Variants in INO80 observed in about 807,000 individuals in gnomAD.
INO80 encodes chromatin-remodeling ATPase INO80.
INO80 carries 20 observed loss-of-function variants against 203.4 expected under a neutral mutation model. The observed-to-expected ratio is 0.10, with a 90% CI of 0.07 to 0.14. INO80 has a LOEUF of 0.14. Ranked by LOEUF, INO80 falls within the 10% of genes least tolerant of loss-of-function variation. The pLI, the probability that INO80 is intolerant of heterozygous loss-of-function variation, is 1.00. For missense variants in INO80, 1,419 were observed against 1,914.4 expected (o/e 0.74, Z 4.83); for synonymous variants, 726 against 685.2 (o/e 1.06, Z -0.93).
chr15:41,011,456 G>A (rs904323860), intron 27 of INO80: 2 of 152,138 alleles, frequency 1.3e-5, no homozygotes, highest in African/African-American at 2.4e-5. Context: ...TTGCTCAAAG[G>A]TAGCATGGAG....
intron 15 of INO80, 40 bp downstream of exon 15, chr15:41,059,827 A>C: frequency 1.5e-6 from 2 of 1,316,580 alleles, no homozygotes; most frequent in Non-Finnish European, 2.2e-6. Flanking sequence ...TAATGACTGC[A>C]TGTACGGTAC....
At chr15:40,997,841 T>G (rs760104571) in intron 28 of INO80, 16 of 393,240 alleles carry the variant, frequency 4.1e-5, no homozygotes, top group Non-Finnish European at 6.7e-5. Context: ...AATAGATGAC[T>G]GATAGGCAAC....
intron 24 of INO80, among the ~76,000 whole-genome samples, chr15:41,041,504 G>A (rs530417164): frequency 6.6e-6 from 1 of 150,626 alleles, no homozygotes; most frequent in Non-Finnish European, 1.5e-5. Flanking sequence ...GTAATGGCGC[G>A]ATCTTGGCTC....
At chr15:41,101,031 T>C (rs1471309700) in intron 1 of INO80, among the ~76,000 whole-genome samples, 1 of 152,006 alleles carries the variant, frequency 6.6e-6, no homozygotes, top group Non-Finnish European at 1.5e-5. Flanking sequence ...AGTTTTACCA[T>C]GTTGGCCAGG....
At chr15:41,112,562 G>C (rs2045971947) in intron 1 of INO80, among the ~76,000 whole-genome samples, 1 of 151,940 alleles carries the variant, frequency 6.6e-6, no homozygotes, top group African/African-American at 2.4e-5. Flanking sequence ...GCCAAGGCAG[G>C]CAGATCACAA....
chr15:40,998,779 G>A (rs960561380), intron 28 of INO80, among the ~76,000 whole-genome samples: 2 of 151,678 alleles, frequency 1.3e-5, no homozygotes, highest in African/African-American at 2.4e-5. Context: ...TCAGCCTCCC[G>A]AGTAGCTGGG....
intron 25 of INO80, among the ~76,000 whole-genome samples, chr15:41,026,749 T>TCTAA (rs1217155382): frequency 1.3e-5 from 2 of 152,172 alleles, no homozygotes; most frequent in Non-Finnish European, 2.9e-5. Flanking sequence ...CATTCTTGGC[T>TCTAA]CTAACCACAG....
chr15:41,083,712 C>CAAAAAAAA (rs10706037), intron 7 of INO80, among the ~76,000 whole-genome samples: 6 of 85,620 alleles, frequency 7.0e-5, no homozygotes, highest in Admixed American at 1.4e-4. Context: ...GACTCCGTCT[C>CAAAAAAAA]AAAAAAAAAA....
intron 4 of INO80, 61 bp downstream of exon 4, chr15:41,095,540 C>G: frequency 8.6e-7 from 1 of 1,159,204 alleles, no homozygotes; most frequent in Non-Finnish European, 1.3e-6. Context: ...TGATAACTTT[C>G]CCATCTATTA....
At chr15:41,015,741 G>A (rs1257380192) in intron 27 of INO80, among the ~76,000 whole-genome samples, 1 of 140,072 alleles carries the variant, frequency 7.1e-6, no homozygotes, top group East Asian at 2.1e-4. Flanking sequence ...TTCAAGACCA[G>A]CCTGGCTAAC....
chr15:41,072,641 C>CA (rs747499405), intron 11 of INO80, among the ~76,000 whole-genome samples: 1,864 of 45,688 alleles, frequency 0.041, 27 homozygotes, highest in Non-Finnish European at 0.058. Flanking sequence ...ACTCCCGCCT[C>CA]AAAAAAAAAA....
At chr15:40,995,920 TGCCTCCA>T (rs1456139582) in intron 29 of INO80, among the ~76,000 whole-genome samples, 2 of 152,194 alleles carry the variant, frequency 1.3e-5, no homozygotes, top group Non-Finnish European at 2.9e-5. Flanking sequence ...TACCCAGCAA[TGCCTCCA>T]GTGGCCCTCA....
At chr15:41,044,120 T>A (rs1033501324) in intron 24 of INO80, among the ~76,000 whole-genome samples, 3 of 152,214 alleles carry the variant, frequency 2.0e-5, no homozygotes, top group Non-Finnish European at 4.4e-5. Context: ...TTTATAAAAC[T>A]ATTTTAGAAA....
intron 9 of INO80, among the ~76,000 whole-genome samples, chr15:41,079,455 C>T (rs1186950584): frequency 6.6e-6 from 1 of 151,594 alleles, no homozygotes; most frequent in Admixed American, 6.6e-5. Flanking sequence ...CTAAAATCAC[C>T]ATCCTCAAAA....
intron 9 of INO80, among the ~76,000 whole-genome samples, chr15:41,077,939 C>T (rs2045430151): frequency 6.7e-6 from 1 of 149,152 alleles, no homozygotes; most frequent in African/African-American, 2.5e-5. Context: ...CTTCCTCTGT[C>T]ACCCAGGCTG....
intron 24 of INO80, among the ~76,000 whole-genome samples, chr15:41,029,509 T>G (rs1338913543): frequency 6.6e-6 from 1 of 152,220 alleles, no homozygotes; most frequent in Non-Finnish European, 1.5e-5. Context: ...ACAGAAGTGT[T>G]TACAACATTT....
At chr15:41,103,722 C>T (rs2045840847) in intron 1 of INO80, among the ~76,000 whole-genome samples, 3 of 152,008 alleles carry the variant, frequency 2.0e-5, no homozygotes, top group Non-Finnish European at 2.9e-5. Flanking sequence ...GCCATTAGTT[C>T]CTCAATAGTT....
At chr15:41,082,250 C>CAAAA (rs60486605) in intron 7 of INO80, among the ~76,000 whole-genome samples, 2 of 54,688 alleles carry the variant, frequency 3.7e-5, no homozygotes, top group African/African-American at 1.1e-4. Context: ...AACTCCGTCT[C>CAAAA]AAAAAAAAAA....
chr15:41,071,811 G>A (rs1247993428), intron 12 of INO80, 38 bp downstream of exon 12: 4 of 1,514,866 alleles, frequency 2.6e-6, no homozygotes, highest in Non-Finnish European at 3.7e-6. Context: ...TTTAGGAAAA[G>A]AGATAATAGA....
Sources: allele counts gnomAD v4.1 joint callset (sites outside exome capture counted in the v4.1 genomes callset), GRCh38; gene constraint gnomAD v4.1.1; transcripts MANE v1.5; gene names NCBI Gene and HGNC (gene_info 2026-07-23, HGNC 2026-07-21).